Variants in USP43 observed in about 807,000 individuals in gnomAD.
USP43 encodes the protein ubiquitin specific peptidase 43, also known as ubiquitin carboxyl-terminal hydrolase 43.
In USP43, 33 loss-of-function variants were observed where a neutral mutation model predicts 90.7. The observed-to-expected ratio is 0.36, with a 90% CI of 0.28 to 0.49. USP43 has a LOEUF of 0.49. USP43 is among the 20% of genes least tolerant of loss of function. The probability of loss-of-function intolerance (pLI) is 0.98; values close to 1 mark genes in which losing one functional copy is unlikely to be tolerated. For synonymous variants in USP43, 598 were observed against 615.8 expected (o/e 0.97, Z 0.43); for missense variants, 1,274 against 1,476.4 (o/e 0.86, Z 2.25).
At chr17:9,673,319 A>G (rs1470356724) in intron 3 of USP43, among the ~76,000 whole-genome samples, 5 of 152,162 alleles carry the variant, frequency 3.3e-5, no homozygotes, top group Non-Finnish European at 7.3e-5. Flanking sequence ...AGCCTGGCCA[A>G]CATAGTGAAT....
chr17:9,718,059 G>A (rs1445894020), intron 14 of USP43, among the ~76,000 whole-genome samples: 1 of 152,108 alleles, frequency 6.6e-6, no homozygotes, highest in East Asian at 1.9e-4. Context: ...GCCTCCCAAA[G>A]TGCTGGGATT....
chr17:9,691,088 C>T (rs939397814), intron 8 of USP43, among the ~76,000 whole-genome samples: 1 of 151,370 alleles, frequency 6.6e-6, no homozygotes, highest in African/African-American at 2.4e-5. Flanking sequence ...TGTGTTGTAG[C>T]ATATCTCAGA....
chr17:9,680,848 A>G (rs1914116863), intron 6 of USP43, among the ~76,000 whole-genome samples: 1 of 151,676 alleles, frequency 6.6e-6, no homozygotes. Context: ...GTTTTATTAA[A>G]TGACTTTTTA....
intron 2 of USP43, among the ~76,000 whole-genome samples, chr17:9,659,442 T>C (rs1912492161): frequency 6.6e-6 from 1 of 152,198 alleles, no homozygotes; most frequent in Non-Finnish European, 1.5e-5. Context: ...AACCTGGCTT[T>C]GTCTATTTCA....
intron 3 of USP43, among the ~76,000 whole-genome samples, chr17:9,669,140 G>A (rs956580459): frequency 1.3e-5 from 2 of 152,076 alleles, no homozygotes; most frequent in Non-Finnish European, 1.5e-5. Context: ...CACCACGCCC[G>A]GCCGGGCATC....
At position 9,677,055 on chromosome 17, in the gene USP43, T is replaced by G. The variant is rs1433771381; in HGVS notation, c.969+174T>G. 2.0e-5 allele frequency among the ~76,000 whole-genome samples: 3 copies of G among 152,162 alleles called. No homozygotes were observed. In the East Asian group the frequency reaches 5.8e-4, roughly 29 times the overall value. ...GGATGACTGGGCCTTGACTTTTCCC[T>G]GCATTGACACAGAATGACCAGAAAA... is the stretch of plus-strand genomic sequence containing the variant. On this transcript the variant is annotated intron_variant, in intron 5 of 14. Transcript: ENST00000285199.
At chr17:9,669,488 T>C (rs2151969475) in intron 3 of USP43, among the ~76,000 whole-genome samples, 1 of 152,342 alleles carries the variant, frequency 6.6e-6, no homozygotes, top group South Asian at 2.1e-4. Flanking sequence ...GTTGATTCTT[T>C]AGATATTTCA....
At position 9,645,716 on chromosome 17, in the gene USP43, C is replaced by G; in HGVS notation, c.84C>G (p.Phe28Leu). 1 of 1,354,224 alleles carries G rather than the reference C, an allele frequency of 7.4e-7. No homozygotes were observed. The highest frequency in any genetic ancestry group is 9.4e-7 in the Non-Finnish European group (1 of 1,059,314). 83.9% of individuals were successfully genotyped at this position (1,354,224 alleles called of 1,614,324 possible). ...GCCGCCGCTCCCTGCGCCGCCTGTT[C>G]AGCCGCTTCCTGCTGGCGCTGGGCA... is the stretch of plus-strand genomic sequence containing the variant. The part of the protein sequence containing the change: ...PRRRRSLRRL[F>L]SRFLLALGSR... The change falls in exon 1 of 15, where the codon TTC becomes TTG. Residue 28 changes from phenylalanine to leucine, a missense_variant. Phe to Leu is a conservative substitution (Grantham distance 22). Coordinates refer to ENST00000285199, the MANE Select transcript of USP43 (RefSeq NM_153210.5). The surrounding 1 kb of genome is among the most constrained non-coding windows in gnomAD (Gnocchi z 6.8).
In USP43 at chr17:9,645,552, T is replaced by C; in HGVS notation, c.-81T>C. ...CGCAGGTAGCCGGCACCAGGAGCCT[T>C]AGAGAAGCTGTAGGGCCTGCTGGCC... On this transcript the variant is annotated 5_prime_UTR_variant, in exon 1 of 15. Transcript: ENST00000285199. This position sits in a 1 kb window ranked among gnomAD's most constrained non-coding sequence, Gnocchi z 6.8. The C allele has an allele frequency of 8.8e-7, 1 of 1,135,930 alleles. No individual in the cohort carries two copies. 70.4% of individuals were successfully genotyped at this position (1,135,930 alleles called of 1,614,324 possible).
At chr17:9,646,190 A>G in intron 1 of USP43, 54 bp downstream of exon 1, 1 of 1,381,670 alleles carries the variant, frequency 7.2e-7, no homozygotes, top group Non-Finnish European at 9.3e-7. Context: ...GCCTCTTGAA[A>G]AGTGTGTGCA....
In USP43 at chr17:9,656,501, G is replaced by A. The variant is rs61745532; in HGVS notation, c.603G>A (p.Leu201=). The change falls in exon 2 of 15, where the codon CTG becomes CTA. Residue 201 remains leucine (L), a synonymous_variant. Coordinates refer to ENST00000285199, the MANE Select transcript of USP43 (RefSeq NM_153210.5). ...LWLLDRVHED[L]EGSSRGPVSE... ...TGCTGGATCGTGTACATGAGGACCTGGAGGGTTCATCCCGAGGGCCGGTGT... is the reference window on the plus strand; with the variant it reads ...TGCTGGATCGTGTACATGAGGACCTAGAGGGTTCATCCCGAGGGCCGGTGT... 2.4e-3 allele frequency: 3,891 copies of A among 1,611,310 alleles called. 70 individuals are homozygous for A. In the African/African-American group the frequency reaches 0.046, roughly 19 times the overall value.
Position 9,712,124 on chromosome 17 carries a change from A to G in USP43, c.2327A>G (p.Gln776Arg), listed in dbSNP as rs1420766209. Residue 776 changes from glutamine (Q) to arginine (R), a missense_variant, in exon 14 of 15, where the codon CAG becomes CGG. By Grantham distance (43) the Gln-to-Arg change is conservative. Transcript: ENST00000285199. Reference protein sequence around the residue: ...SPIFTNSLCNQEKGGLEPRRL... With the variant: ...SPIFTNSLCNREKGGLEPRRL... ...ATCTTCACCAACAGCCTCTGCAATCAGGAAAAGGGTATGTTGGTTAAATGT... is the reference window on the plus strand; with the variant it reads ...ATCTTCACCAACAGCCTCTGCAATCGGGAAAAGGGTATGTTGGTTAAATGT... 1 of 1,586,452 alleles carries G rather than the reference A, an allele frequency of 6.3e-7. No individual in the cohort carries two copies. Among genetic ancestry groups the G allele is most frequent in the East Asian group, 2.3e-5 (1 of 43,834 alleles).
chr17:9,658,306 T>C (rs964404912), intron 2 of USP43, among the ~76,000 whole-genome samples: 3 of 152,208 alleles, frequency 2.0e-5, no homozygotes, highest in Non-Finnish European at 2.9e-5. Context: ...GTCTGTTTCC[T>C]TTATGTTTTC....
At chr17:9,661,264 G>T (rs985951241) in intron 2 of USP43, among the ~76,000 whole-genome samples, 1 of 152,158 alleles carries the variant, frequency 6.6e-6, no homozygotes, top group Non-Finnish European at 1.5e-5. Flanking sequence ...GATGAGGCTG[G>T]GGAGAAGATA....
At chr17:9,646,218 T>C in intron 1 of USP43, 82 bp downstream of exon 1, 1 of 1,351,538 alleles carries the variant, frequency 7.4e-7, no homozygotes, top group Middle Eastern at 2.7e-4. Flanking sequence ...GAAAGGGTTT[T>C]CTTGGGGCCT....
Position 9,701,488 on chromosome 17 carries a change from A to G in USP43, c.1799A>G (p.Asn600Ser). 1.3e-6 allele frequency: 2 copies of G among 1,576,296 alleles called. No individual in the cohort carries two copies. The highest frequency in any genetic ancestry group is 1.7e-6 in the Non-Finnish European group (2 of 1,160,980). Residue 600 changes from asparagine (N) to serine (S), a missense_variant, in exon 12 of 15, where the codon AAC becomes AGC. Physicochemically the swap from Asn to Ser is conservative, Grantham distance 46. Coordinates refer to ENST00000285199, the MANE Select transcript of USP43 (RefSeq NM_153210.5). This position sits in a 1 kb window ranked among gnomAD's most constrained non-coding sequence, Gnocchi z 7.2. ...KRFCQVGERRNKLSTLVKFPL... is the reference protein window; with the variant it reads ...KRFCQVGERRSKLSTLVKFPL... ...TTCTGCCAGGTGGGCGAGAGAAGAA[A>G]CAAGCTCTCCACGCTGGTGAAGTTT... is the stretch of plus-strand genomic sequence containing the variant.
In USP43 at chr17:9,707,632, C is replaced by A. The variant is rs150667283; in HGVS notation, c.2012-2324C>A. On this transcript the variant is annotated intron_variant, in intron 12 of 14. Coordinates refer to ENST00000285199, the MANE Select transcript of USP43 (RefSeq NM_153210.5). Reference sequence around the variant, plus strand: ...ACTGCACTCCAGCCTGGGCGACAGACCGAGACTCTGTCTCAAAAAAAAAAA... The same window carrying A: ...ACTGCACTCCAGCCTGGGCGACAGAACGAGACTCTGTCTCAAAAAAAAAAA... 3.5e-4 allele frequency among the ~76,000 whole-genome samples: 50 copies of A among 142,026 alleles called. 1 individual carries two copies. The East Asian group carries it at 9.3e-3, about 26-fold the overall frequency. The allele number at this position is 142,026 out of a possible 152,430, so 93.2% of individuals were successfully genotyped here.
At chr17:9,658,438 C>G (rs557311906) in intron 2 of USP43, among the ~76,000 whole-genome samples, 25 of 152,154 alleles carry the variant, frequency 1.6e-4, no homozygotes, top group Non-Finnish European at 4.4e-5. Flanking sequence ...TAAAGCCGCA[C>G]AGCTAAGTAA....
At position 9,729,168 on chromosome 17, in the gene USP43, A is replaced by G. The variant is rs2152006405; in HGVS notation, c.*178A>G. 2.0e-6 allele frequency: 1 copy of G among 504,600 alleles called. No individual in the cohort carries two copies. The highest frequency in any genetic ancestry group is 2.0e-5 in the African/African-American group (1 of 50,150). The allele number at this position is 504,600 out of a possible 1,614,324, so 31.3% of individuals were successfully genotyped here. A position where few individuals can be genotyped will look rare whatever the true frequency, so the allele number is the denominator to read the frequency against. ...TCTAGACTTCCAACACCCAAGGTCCATATAACCCAAGGTCGAAAACCTTCC... is the reference window on the plus strand; with the variant it reads ...TCTAGACTTCCAACACCCAAGGTCCGTATAACCCAAGGTCGAAAACCTTCC... On this transcript the variant is annotated 3_prime_UTR_variant, in exon 15 of 15. Transcript: ENST00000285199.
Sources: allele counts gnomAD v4.1 joint callset (sites outside exome capture counted in the v4.1 genomes callset), GRCh38; gene constraint gnomAD v4.1.1; non-coding constraint Gnocchi (gnomAD v3.1); transcripts MANE v1.5; gene names NCBI Gene and HGNC (gene_info 2026-07-23, HGNC 2026-07-21).